NDST1: variants seen among roughly 807,000 people sequenced by gnomAD.
NDST1 encodes bifunctional heparan sulfate N-deacetylase/N-sulfotransferase 1.
A neutral mutation model predicts 92.8 loss-of-function variants in NDST1; 35 were observed. That is an observed-to-expected ratio of 0.38 (90% CI 0.29 to 0.50). The LOEUF is 0.50. NDST1 is among the 20% of genes least tolerant of loss of function. The pLI is 0.94. For missense variants in NDST1, 822 were observed against 1,182.7 expected (o/e 0.69, Z 4.47); for synonymous variants, 493 against 500.3 (o/e 0.99, Z 0.19).
chr5:150,550,858 T>C (rs1755691251), intron 13 of NDST1: 1 of 152,268 alleles, frequency 6.6e-6, no homozygotes, highest in South Asian at 2.1e-4. Context: ...ATAAAGATAA[T>C]AATCCCTGCG....
At chr5:150,523,497 G>A (rs1353238856) in intron 2 of NDST1, among the ~76,000 whole-genome samples, 1 of 152,240 alleles carries the variant, frequency 6.6e-6, no homozygotes, top group East Asian at 1.9e-4. Context: ...GGAAACTGAG[G>A]CAAAGGAGGA....
Position 150,532,964 on chromosome 5 carries a change from A to G in NDST1, c.1028A>G (p.Asn343Ser). 6.2e-7 allele frequency: 1 copy of G among 1,614,196 alleles called. No homozygotes were observed. The highest frequency in any genetic ancestry group is 8.5e-7 in the Non-Finnish European group (1 of 1,180,038). Reference protein sequence around the residue: ...EDVKALFDTQNELRAHIPNFT... With the variant: ...EDVKALFDTQSELRAHIPNFT... ...TCCTAGGCCCTGTTTGACACACAGA[A>G]CGAACTACGCGCACACATCCCAAAC... Residue 343 changes from asparagine to serine, a missense_variant, in exon 4 of 15, where the codon AAC becomes AGC. Asn to Ser is a conservative substitution (Grantham distance 46). Transcript: ENST00000261797.
At chr5:150,540,443 C>G (rs994295227) in intron 8 of NDST1, among the ~76,000 whole-genome samples, 179 bp downstream of exon 8, 1 of 152,212 alleles carries the variant, frequency 6.6e-6, no homozygotes, top group African/African-American at 2.4e-5. Flanking sequence ...TGCACACATG[C>G]ATGCTCATAC....
At position 150,515,854 on chromosome 5, in the gene NDST1, G is replaced by A. The variant is rs150631082; in HGVS notation, c.-387-5014G>A. On this transcript the variant is annotated intron_variant, in intron 1 of 14. Coordinates refer to ENST00000261797, the MANE Select transcript of NDST1 (RefSeq NM_001543.5). ...GTGCAGGCGGGTGAGGAGGGCCTTG[G>A]GTGGAGGGTGGCAGCCTCTGAGTGG... 3.2e-3 allele frequency among the ~76,000 whole-genome samples: 483 copies of A among 152,276 alleles called. 2 individuals are homozygous for A. Among genetic ancestry groups the A allele is most frequent in the Middle Eastern group, 6.8e-3 (2 of 294 alleles).
At position 150,557,691 on chromosome 5, in the gene NDST1, G is replaced by C. The variant is rs1413406236; in HGVS notation, c.*4359G>C. 1 of 152,362 alleles carries C rather than the reference G, an allele frequency of 6.6e-6. No homozygotes were observed. Among genetic ancestry groups the C allele is most frequent in the Non-Finnish European group, 1.5e-5 (1 of 68,058 alleles). 9.4% of individuals were successfully genotyped at this position (152,362 alleles called of 1,614,324 possible). The stretch of plus-strand genomic sequence containing the variant: ...TAGACCCCCTGCTGCCCAGGCCGTT[G>C]AGGCAACACTGGGTTCCTGGCTTGA... On this transcript the variant is annotated 3_prime_UTR_variant, in exon 15 of 15. Coordinates refer to ENST00000261797, the MANE Select transcript of NDST1 (RefSeq NM_001543.5). The surrounding 1 kb of genome is among the most constrained non-coding windows in gnomAD (Gnocchi z 4.7).
rs1167865673 is a variant in NDST1 at position 150,555,843 on chromosome 5, C to A, written c.*2511C>A. On this transcript the variant is annotated 3_prime_UTR_variant, in exon 15 of 15. Coordinates refer to ENST00000261797, the MANE Select transcript of NDST1 (RefSeq NM_001543.5). Reference sequence around the variant, plus strand: ...TTGGAAATCCTGTGACAGCAGAGATCTTCTGGATTTTTGCCTGGACCCTTC... The same window carrying A: ...TTGGAAATCCTGTGACAGCAGAGATATTCTGGATTTTTGCCTGGACCCTTC... 1 of 152,234 alleles carries A rather than the reference C, an allele frequency of 6.6e-6. No homozygotes were observed. Among genetic ancestry groups the A allele is most frequent in the East Asian group, 1.9e-4 (1 of 5,194 alleles). The allele number at this position is 152,234 out of a possible 1,614,324, so 9.4% of individuals were successfully genotyped here.
At chr5:150,534,675 C>T (rs1456848153) in intron 4 of NDST1, among the ~76,000 whole-genome samples, 192 bp from the exon 5 acceptor site, 3 of 152,332 alleles carry the variant, frequency 2.0e-5, no homozygotes, top group African/African-American at 7.2e-5. Flanking sequence ...CCCACTGAGT[C>T]AAGGGCACAC....
chr5:150,539,411 T>G, intron 7 of NDST1, 55 bp downstream of exon 7: 3 of 1,612,158 alleles, frequency 1.9e-6, no homozygotes, highest in Non-Finnish European at 2.5e-6. Flanking sequence ...GCACAGCCTG[T>G]CTGCAGCTGA....
rs189136793 is a variant in NDST1 at position 150,501,975 on chromosome 5, G to A, written c.-388+3736G>A. 9.5e-4 allele frequency among the ~76,000 whole-genome samples: 144 copies of A among 152,322 alleles called. 1 individual carries two copies. Among genetic ancestry groups the A allele is most frequent in the African/African-American group, 2.2e-3 (92 of 41,578 alleles). ...GCAGAGGGAGCTGCAGGGCAAAGGC[G>A]CTGGAACTGGAGGGCATGGGTGGCC... On this transcript the variant is annotated intron_variant, in intron 1 of 1. Transcript: ENST00000518299.
chr5:150,504,786 G>A (rs897915821), upstream of NDST1, among the ~76,000 whole-genome samples: 6 of 152,226 alleles, frequency 3.9e-5, no homozygotes, highest in Non-Finnish European at 7.3e-5. Flanking sequence ...ATGGGATAAC[G>A]TGTGAAATGC....
rs1464373212 is a variant in NDST1, at chr5:150,549,458, A to G, written c.2317-220A>G. Reference sequence around the variant, plus strand: ...AGGGTTTGGTGAGAGCTTAAATTCTAGGAGAAATGGCATTGGGCAGCAGAA... The same window carrying G: ...AGGGTTTGGTGAGAGCTTAAATTCTGGGAGAAATGGCATTGGGCAGCAGAA... On this transcript the variant is annotated intron_variant, in intron 12 of 14. Coordinates refer to ENST00000261797, the MANE Select transcript of NDST1 (RefSeq NM_001543.5). Among the ~76,000 whole-genome samples, 56 of 152,194 alleles carry G rather than the reference A, an allele frequency of 3.7e-4. 1 individual carries two copies. The highest frequency in any genetic ancestry group is 3.7e-3 in the Admixed American group (56 of 15,264).
chr5:150,508,021 T>C (rs1753540253), upstream of NDST1: 1 of 152,276 alleles, frequency 6.6e-6, no homozygotes, highest in African/African-American at 2.4e-5. Flanking sequence ...CGTGGAGGTT[T>C]CTAGGAACGT....
rs779380658 is a variant in NDST1, at chr5:150,549,666, C to T, written c.2317-12C>T. The stretch of plus-strand genomic sequence containing the variant: ...GTCAAAGCAGGTCCCGATCCCCTTT[C>T]TCCCTTTCCAGATTCTGGTCTTGGA... On this transcript the variant is annotated splice_polypyrimidine_tract_variant and intron_variant, in intron 12 of 14. Coordinates refer to ENST00000261797, the MANE Select transcript of NDST1 (RefSeq NM_001543.5). The T allele has an allele frequency of 5.7e-6, 9 of 1,579,520 alleles. No homozygotes were observed. Among genetic ancestry groups the T allele is most frequent in the Non-Finnish European group, 7.8e-6 (9 of 1,148,994 alleles).
chr5:150,521,857 G>C lies in NDST1; in HGVS notation c.513+90G>C. The C allele has an allele frequency of 1.9e-6, 3 of 1,543,062 alleles. No homozygotes were observed. In the South Asian group the frequency reaches 3.4e-5, roughly 17 times the overall value. Reference sequence around the variant, plus strand: ...CATTTGTGAAATAGGTGTAATGGTAGCACCCGCCTCCTGGGGTTGTTGGGA... The same window carrying C: ...CATTTGTGAAATAGGTGTAATGGTACCACCCGCCTCCTGGGGTTGTTGGGA... On this transcript the variant is annotated intron_variant, in intron 2 of 14. Transcript: ENST00000261797. This position sits in a 1 kb window ranked among gnomAD's most constrained non-coding sequence, Gnocchi z 5.9.
intron 1 of NDST1, among the ~76,000 whole-genome samples, chr5:150,509,226 G>A (rs541266082): frequency 3.9e-5 from 6 of 152,200 alleles, no homozygotes; most frequent in Admixed American, 2.0e-4. Context: ...TCGGGCATGC[G>A]GGAGGGTGGG....
intron 1 of NDST1, among the ~76,000 whole-genome samples, chr5:150,513,934 A>G (rs1443254145): frequency 6.6e-6 from 1 of 152,256 alleles, no homozygotes; most frequent in Non-Finnish European, 1.5e-5. Context: ...CAGCGTTGCC[A>G]TGGCGTCTCC....
At position 150,528,420 on chromosome 5, in the gene NDST1, C is replaced by T; in HGVS notation, c.1008+122C>T. 4 of 1,103,426 alleles carry T rather than the reference C, an allele frequency of 3.6e-6. 1 individual carries two copies. The South Asian group carries it at 6.8e-5, about 19-fold the overall frequency. The allele number at this position is 1,103,426 out of a possible 1,614,324, so 68.4% of individuals were successfully genotyped here. Reference sequence around the variant, plus strand: ...CCTATGCTGGGAGTTACTTAAAAGACAGTCCCACTCTGCTTCCTGTCCTGC... The same window carrying T: ...CCTATGCTGGGAGTTACTTAAAAGATAGTCCCACTCTGCTTCCTGTCCTGC... On this transcript the variant is annotated intron_variant, in intron 3 of 14. Transcript: ENST00000261797.
At chr5:150,549,601 A>T in intron 12 of NDST1, 77 bp from the exon 13 acceptor site, 1 of 843,870 alleles carries the variant, frequency 1.2e-6, no homozygotes, top group Non-Finnish European at 2.0e-6. Flanking sequence ...AAGCAGGCCC[A>T]TTCCTGCTGC....
In NDST1 at chr5:150,556,460, A is replaced by T. The variant is rs1755871807; in HGVS notation, c.*3128A>T. ...CTGACCTGCAGAGGTTGGTGGTCCC[A>T]GCACAGAGCTGTGCCCATGGGCTTG... On this transcript the variant is annotated 3_prime_UTR_variant, in exon 15 of 15. Transcript: ENST00000261797. The T allele has an allele frequency of 6.6e-6, 1 of 152,280 alleles. No homozygotes were observed. Among genetic ancestry groups the T allele is most frequent in the Non-Finnish European group, 1.5e-5 (1 of 68,052 alleles). The allele number at this position is 152,280 out of a possible 1,614,324, so 9.4% of individuals were successfully genotyped here.
Sources: allele counts gnomAD v4.1 joint callset (sites outside exome capture counted in the v4.1 genomes callset), GRCh38; gene constraint gnomAD v4.1.1; non-coding constraint Gnocchi (gnomAD v3.1); transcripts MANE v1.5; gene names NCBI Gene and HGNC (gene_info 2026-07-23, HGNC 2026-07-21).